TRHDE: variants seen among roughly 807,000 people sequenced by gnomAD.
The protein encoded by TRHDE is thyrotropin-releasing hormone-degrading ectoenzyme.
TRHDE carries 72 observed loss-of-function variants against 125.7 expected under a neutral mutation model. The observed-to-expected ratio is 0.57, with a 90% CI of 0.47 to 0.70. The LOEUF (loss-of-function observed/expected upper bound fraction) is 0.70. TRHDE is among the 30% of genes least tolerant of loss of function. TRHDE has a pLI of 0.00. For synonymous variants in TRHDE, 509 were observed against 509.1 expected (o/e 1.00, Z 0.00); for missense variants, 1,110 against 1,327.1 (o/e 0.84, Z 2.54).
At chr12:72,603,319 TGGC>T (rs1872283191) in intron 12 of TRHDE, among the ~76,000 whole-genome samples, 2 of 152,034 alleles carry the variant, frequency 1.3e-5, no homozygotes, top group Admixed American at 1.3e-4. Context: ...TCCTGTGTGT[TGGC>T]GGGTGTGTGT....
At chr12:72,271,834 G>A (rs775197583), upstream of TRHDE, 5 of 442,596 alleles carry the variant, frequency 1.1e-5, no homozygotes, top group Middle Eastern at 3.3e-4. Flanking sequence ...TGAAGGGGAT[G>A]GCCCGGCCGG....
At chr12:72,451,407 G>A (rs1875562218) in intron 3 of TRHDE, among the ~76,000 whole-genome samples, 1 of 152,102 alleles carries the variant, frequency 6.6e-6, no homozygotes, top group African/African-American at 2.4e-5. Context: ...TGTGTTCTTG[G>A]CACATTTGCC....
intron 2 of TRHDE, among the ~76,000 whole-genome samples, chr12:72,135,223 A>G (rs998333411): frequency 6.6e-6 from 1 of 152,238 alleles, no homozygotes; most frequent in African/African-American, 2.4e-5. Context: ...CCAGGTCTCC[A>G]TAGCCTCTTC....
At chr12:72,394,892 T>G (rs1203300225) in intron 3 of TRHDE, among the ~76,000 whole-genome samples, 1 of 152,188 alleles carries the variant, frequency 6.6e-6, no homozygotes, top group Non-Finnish European at 1.5e-5. Flanking sequence ...AGGAATCATA[T>G]TTCACCAAAT....
intron 7 of TRHDE, among the ~76,000 whole-genome samples, chr12:72,547,228 C>G (rs150110275): frequency 6.6e-6 from 1 of 151,390 alleles, no homozygotes; most frequent in Non-Finnish European, 1.5e-5. Context: ...TGTATTAAGA[C>G]CATATGATAC....
intron 2 of TRHDE, among the ~76,000 whole-genome samples, chr12:72,152,491 A>T (rs867613008): frequency 6.6e-6 from 1 of 151,890 alleles, no homozygotes; most frequent in Non-Finnish European, 1.5e-5. Flanking sequence ...CAAAGGGAAT[A>T]CTTCCAGTTT....
chr12:72,114,560 G>A (rs868191519), intron 2 of TRHDE, among the ~76,000 whole-genome samples: 10 of 152,030 alleles, frequency 6.6e-5, no homozygotes, highest in East Asian at 1.9e-4. Flanking sequence ...TATTGTCTTC[G>A]CATTGAGTAG....
chr12:72,580,779 C>T (rs1039311013), intron 12 of TRHDE, among the ~76,000 whole-genome samples: 3 of 152,202 alleles, frequency 2.0e-5, no homozygotes, highest in East Asian at 3.9e-4. Flanking sequence ...TTCGATAAAG[C>T]ATGGTTATAT....
chr12:72,460,579 T>C (rs1273680417), intron 3 of TRHDE, among the ~76,000 whole-genome samples: 8 of 152,164 alleles, frequency 5.3e-5, no homozygotes, highest in African/African-American at 1.9e-4. Context: ...TTGGAATAAA[T>C]GAAAATACAC....
intron 2 of TRHDE, among the ~76,000 whole-genome samples, chr12:72,371,698 A>G (rs543737065): frequency 2.0e-5 from 3 of 152,124 alleles, no homozygotes; most frequent in East Asian, 3.9e-4. Context: ...AGTTTCATCC[A>G]TGTCCCTACA....
At chr12:72,420,000 C>G (rs1171052573) in intron 3 of TRHDE, among the ~76,000 whole-genome samples, 1 of 152,056 alleles carries the variant, frequency 6.6e-6, no homozygotes, top group African/African-American at 2.4e-5. Flanking sequence ...CTGTAGTCAA[C>G]AAATAAATAA....
At chr12:72,627,453 C>G (rs1053954998) in intron 15 of TRHDE, among the ~76,000 whole-genome samples, 1 of 151,826 alleles carries the variant, frequency 6.6e-6, no homozygotes, top group Non-Finnish European at 1.5e-5. Flanking sequence ...AGAGATTGGT[C>G]ATAAGAGTCT....
intron 12 of TRHDE, among the ~76,000 whole-genome samples, chr12:72,585,489 C>A (rs1432603040): frequency 6.6e-6 from 1 of 152,204 alleles, no homozygotes; most frequent in Non-Finnish European, 1.5e-5. Context: ...TTACAATCCA[C>A]CATATTCATT....
intron 5 of TRHDE, among the ~76,000 whole-genome samples, chr12:72,490,291 A>T (rs1002246232): frequency 4.6e-5 from 7 of 151,820 alleles, no homozygotes; most frequent in African/African-American, 1.4e-4. Flanking sequence ...ACCACTGCAT[A>T]CCTGCTAGGA....
At chr12:72,187,310 A>C (rs1030411807) in intron 2 of TRHDE, among the ~76,000 whole-genome samples, 57 of 131,332 alleles carry the variant, frequency 4.3e-4, no homozygotes, top group African/African-American at 1.5e-3. Flanking sequence ...AGAGAAACAC[A>C]ACACACACAC....
At chr12:72,353,416 C>G (rs1323999553) in intron 2 of TRHDE, among the ~76,000 whole-genome samples, 1 of 151,156 alleles carries the variant, frequency 6.6e-6, no homozygotes, top group Non-Finnish European at 1.5e-5. Context: ...ATAGAAGAGG[C>G]TATTTGAATG....
chr12:72,602,027 A>G (rs1872228884), intron 12 of TRHDE, among the ~76,000 whole-genome samples: 1 of 152,170 alleles, frequency 6.6e-6, no homozygotes, highest in African/African-American at 2.4e-5. Flanking sequence ...TGAATTCTTT[A>G]TAGATACTAA....
intron 6 of TRHDE, among the ~76,000 whole-genome samples, chr12:72,499,906 A>G (rs909592295): frequency 6.6e-6 from 1 of 152,194 alleles, no homozygotes; most frequent in Non-Finnish European, 1.5e-5. Flanking sequence ...AAATTGCTCT[A>G]CAAATGATGT....
chr12:72,369,733 T>G (rs1871491168), intron 2 of TRHDE, among the ~76,000 whole-genome samples: 1 of 152,140 alleles, frequency 6.6e-6, no homozygotes, highest in Admixed American at 6.5e-5. Flanking sequence ...TGTAATGTCC[T>G]TTCCACCGGA....
Sources: gnomAD v4.1 joint callset for allele counts (sites outside exome capture counted in the v4.1 genomes callset) on GRCh38, gnomAD v4.1.1 for gene constraint, MANE v1.5 for transcripts, NCBI Gene and HGNC (gene_info 2026-07-23, HGNC 2026-07-21) for gene names.